Variants in PTPN14 observed in about 807,000 individuals in gnomAD.
PTPN14 encodes the protein tyrosine-protein phosphatase non-receptor type 14.
PTPN14 carries 53 observed loss-of-function variants against 126.8 expected under a neutral mutation model. The observed-to-expected ratio is 0.42, with a 90% CI of 0.34 to 0.53. The LOEUF (loss-of-function observed/expected upper bound fraction) is 0.53. PTPN14 is among the 20% of genes least tolerant of loss of function. The probability of loss-of-function intolerance (pLI) is 0.08; values close to 1 mark genes in which losing one functional copy is unlikely to be tolerated. For synonymous variants in PTPN14, 630 were observed against 599.3 expected, an observed-to-expected ratio of 1.05 and a Z score of -0.75; for missense variants, 1,257 against 1,552.9, an observed-to-expected ratio of 0.81 and a Z score of 3.20.
At chr1:214,450,106 G>T (rs1660239025) in intron 3 of PTPN14, among the ~76,000 whole-genome samples, 1 of 149,798 alleles carries the variant, frequency 6.7e-6, no homozygotes, top group African/African-American at 2.5e-5. Context: ...GCACTCCAGT[G>T]TAAGTGACAG....
chr1:214,386,865 AGT>A lies in PTPN14; in HGVS notation c.1043_1044del (p.Tyr348PhefsTer15). ...TTACCTTGCGAGGTGTGCGTTTCCG[AGT>A]AGTGCTCACCACACTGGACGTGAAC... ...PPVHVQCGEHYSETHTSQDSI... is the reference protein window; with the variant it reads ...PPVHVQCGEHXSETHTSQDSI... On this transcript the variant is annotated frameshift_variant, in exon 12 of 19. Coordinates refer to ENST00000366956, the MANE Select transcript of PTPN14 (RefSeq NM_005401.5). LOFTEE classifies it high-confidence loss of function. 6.2e-7 allele frequency: 1 copy of A among 1,607,164 alleles called. No individual in the cohort carries two copies. Among genetic ancestry groups the A allele is most frequent in the Non-Finnish European group, 8.5e-7 (1 of 1,173,942 alleles).
At position 214,411,681 on chromosome 1, in the gene PTPN14, T is replaced by A; in HGVS notation, c.510+3A>T. 1 of 1,474,662 alleles carries A rather than the reference T, an allele frequency of 6.8e-7. No individual in the cohort carries two copies. Among genetic ancestry groups the A allele is most frequent in the Non-Finnish European group, 9.3e-7 (1 of 1,074,050 alleles). 91.3% of individuals were successfully genotyped at this position (1,474,662 alleles called of 1,614,324 possible). ...TAATTAAGAAAAATGAAATTACACT[T>A]ACCATAGGAAATAGCACATACTCTC... is the stretch of plus-strand genomic sequence containing the variant. On this transcript the variant is annotated splice_donor_region_variant and intron_variant, in intron 5 of 18. Coordinates refer to ENST00000366956, the MANE Select transcript of PTPN14 (RefSeq NM_005401.5).
intron 1 of PTPN14, among the ~76,000 whole-genome samples, chr1:214,533,984 A>T (rs781288629): frequency 6.6e-6 from 1 of 152,224 alleles, no homozygotes; most frequent in Non-Finnish European, 1.5e-5. Flanking sequence ...AGAAAATTAT[A>T]AGTGGCTCTT....
intron 3 of PTPN14, among the ~76,000 whole-genome samples, chr1:214,445,388 A>C (rs1188529802): frequency 6.6e-6 from 1 of 152,188 alleles, no homozygotes; most frequent in East Asian, 1.9e-4. Context: ...TAGAGTGCTC[A>C]CCATTAATAG....
chr1:214,401,869 C>A, intron 6 of PTPN14, 97 bp from the exon 7 acceptor site: 1 of 1,010,090 alleles, frequency 9.9e-7, no homozygotes. Flanking sequence ...TGGTTTAGCT[C>A]TAGTTTCTGG....
At position 214,533,160 on chromosome 1, in the gene PTPN14, G is replaced by T. The variant is rs77342991; in HGVS notation, c.-155+18023C>A. 9.2e-6 allele frequency: 7 copies of T among 756,806 alleles called. No homozygotes were observed. The Admixed American group carries it at 1.0e-4, about 11-fold the overall frequency. 46.9% of individuals were successfully genotyped at this position (756,806 alleles called of 1,614,324 possible). A position where few individuals can be genotyped will look rare whatever the true frequency, so the allele number is the denominator to read the frequency against. On this transcript the variant is annotated intron_variant, in intron 1 of 18. Transcript: ENST00000366956. ...TGGAGAACAGCCTGAGGGAGGTGGAGGTCCGCTACACCCTGCAGATGGAGC... is the reference window on the plus strand; with the variant it reads ...TGGAGAACAGCCTGAGGGAGGTGGATGTCCGCTACACCCTGCAGATGGAGC...
intron 7 of PTPN14, among the ~76,000 whole-genome samples, chr1:214,401,212 A>G (rs988591454): frequency 6.6e-6 from 1 of 152,088 alleles, no homozygotes; most frequent in Admixed American, 6.5e-5. Flanking sequence ...GGGGCTAGGA[A>G]CCCACAGGGG....
intron 10 of PTPN14, 74 bp downstream of exon 10, chr1:214,393,621 C>A (rs1571970871): frequency 8.4e-7 from 1 of 1,188,720 alleles, no homozygotes; most frequent in South Asian, 1.3e-5. Flanking sequence ...GAAAAGAGAT[C>A]TACAGCACCC....
At chr1:214,507,437 A>T (rs1654870309) in intron 1 of PTPN14, among the ~76,000 whole-genome samples, 1 of 152,236 alleles carries the variant, frequency 6.6e-6, no homozygotes, top group Admixed American at 6.5e-5. Context: ...AAGTCAAGAC[A>T]CAGCATATAT....
chr1:214,358,681 A>G (rs1657882049), intron 18 of PTPN14, among the ~76,000 whole-genome samples: 1 of 152,160 alleles, frequency 6.6e-6, no homozygotes, highest in Non-Finnish European at 1.5e-5. Flanking sequence ...CATGGGATCA[A>G]ATGATGAAAC....
intron 1 of PTPN14, among the ~76,000 whole-genome samples, chr1:214,511,209 G>A (rs566357138): frequency 1.3e-5 from 2 of 152,230 alleles, no homozygotes; most frequent in South Asian, 4.1e-4. Context: ...CTGAAGTTAG[G>A]CTGAATGGAT....
At chr1:214,464,149 AC>A (rs2102651114) in intron 2 of PTPN14, among the ~76,000 whole-genome samples, 1 of 146,072 alleles carries the variant, frequency 6.8e-6, no homozygotes, top group South Asian at 2.2e-4. Flanking sequence ...GGTCATGCTC[AC>A]TCTAAATGCT....
At chr1:214,382,268 CTA>C (rs761535855) in intron 13 of PTPN14, among the ~76,000 whole-genome samples, 35 of 152,200 alleles carry the variant, frequency 2.3e-4, no homozygotes, top group Non-Finnish European at 4.0e-4. Context: ...CTTCGTTGTT[CTA>C]TATGTGCCTG....
intron 14 of PTPN14, 89 bp from the exon 15 acceptor site, chr1:214,376,526 G>C: frequency 1.8e-6 from 2 of 1,123,942 alleles, no homozygotes; most frequent in South Asian, 2.9e-5. Flanking sequence ...TTTAGCGATT[G>C]TGTTAAAAGA....
intron 11 of PTPN14, among the ~76,000 whole-genome samples, chr1:214,390,722 T>A (rs1658729420): frequency 6.6e-6 from 1 of 152,218 alleles, no homozygotes; most frequent in African/African-American, 2.4e-5. Flanking sequence ...GGCTGTATGC[T>A]GATGGAACAT....
At chr1:214,380,419 A>T (rs1425616304) in intron 13 of PTPN14, among the ~76,000 whole-genome samples, 2 of 152,176 alleles carry the variant, frequency 1.3e-5, no homozygotes, top group Non-Finnish European at 2.9e-5. Context: ...AGATAAAAAA[A>T]ATAATAATAA....
At chr1:214,482,755 C>T in intron 1 of PTPN14, 1 of 1,556,438 alleles carries the variant, frequency 6.4e-7, no homozygotes, top group Non-Finnish European at 8.7e-7. Flanking sequence ...GCATGGTAAA[C>T]TTAGATGACT....
chr1:214,414,571 C>A, intron 4 of PTPN14, 58 bp downstream of exon 4: 1 of 1,461,270 alleles, frequency 6.8e-7, no homozygotes, highest in Non-Finnish European at 9.6e-7. Context: ...GAGAGGCCAG[C>A]AACACCATGA....
chr1:214,405,572 C>T (rs1356394785), intron 5 of PTPN14, among the ~76,000 whole-genome samples: 1 of 151,208 alleles, frequency 6.6e-6, no homozygotes. Flanking sequence ...TCACTTGTAC[C>T]TTCTGCCTGC....
Sources: allele counts gnomAD v4.1 joint callset (sites outside exome capture counted in the v4.1 genomes callset), GRCh38; gene constraint gnomAD v4.1.1; transcripts MANE v1.5; gene names NCBI Gene and HGNC (gene_info 2026-07-23, HGNC 2026-07-21).